The following ECT2 variants were observed in gnomAD, a reference collection of about 807,000 sequenced individuals.
The protein encoded by ECT2 is epithelial cell transforming 2.
ECT2 carries 61 observed loss-of-function variants against 116.9 expected under a neutral mutation model. The ratio of observed to expected loss-of-function variants is 0.52; its 90% confidence interval spans 0.42 to 0.65. The LOEUF is 0.65. Ranked by LOEUF, ECT2 falls within the 30% of genes least tolerant of loss-of-function variation. ECT2 has a pLI of 0.00. For missense variants in ECT2, 937 were observed against 1,078.7 expected, an observed-to-expected ratio of 0.87 and a Z score of 1.84; for synonymous variants, 358 against 346.4, an observed-to-expected ratio of 1.03 and a Z score of -0.37.
rs556756254 is a variant in ECT2, at chr3:172,764,614, T to A, written c.1291+114T>A. 228 of 934,706 alleles carry A rather than the reference T, an allele frequency of 2.4e-4. 3 individuals carry two copies. The South Asian group carries it at 3.4e-3, about 14-fold the overall frequency. 57.9% of individuals were successfully genotyped at this position (934,706 alleles called of 1,614,324 possible). ...TGGAAGTCTTTGCCTTTAATTACCT[T>A]TGTTCTAGCTGTAGAGAAAAGACAC... is the stretch of plus-strand genomic sequence containing the variant. On this transcript the variant is annotated intron_variant, in intron 12 of 24. Transcript: ENST00000392692.
intron 18 of ECT2, among the ~76,000 whole-genome samples, chr3:172,792,996 A>T (rs1724950902): frequency 6.6e-6 from 1 of 152,098 alleles, no homozygotes; most frequent in South Asian, 2.1e-4. Flanking sequence ...CTGGAATTAC[A>T]GGTGGAGCTA....
Position 172,764,397 on chromosome 3 carries a change from G to A in ECT2, c.1188G>A (p.Val396=). ...TLAQLSRETD[V]SPFPPRKRPS... is the part of the protein sequence containing the mutation. ...CTCAGCTTTCAAGAGAGACAGACGT[G>A]TCACCATTTCCACCCCGTAAGCGCC... Residue 396 remains valine, a synonymous_variant, in exon 12 of 25, where the codon GTG becomes GTA. Transcript: ENST00000392692. 1 of 1,614,126 alleles carries A rather than the reference G, an allele frequency of 6.2e-7. No individual in the cohort carries two copies. Among genetic ancestry groups the A allele is most frequent in the Non-Finnish European group, 8.5e-7 (1 of 1,179,990 alleles).
At chr3:172,777,354 G>A (rs1721932675) in intron 14 of ECT2, among the ~76,000 whole-genome samples, 1 of 152,080 alleles carries the variant, frequency 6.6e-6, no homozygotes, top group Non-Finnish European at 1.5e-5. Context: ...ATTACTTTCG[G>A]TAAATGTTTA....
chr3:172,759,009 T>C lies in ECT2; in HGVS notation c.516T>C (p.Tyr172=). Residue 172 remains tyrosine, a synonymous_variant, in exon 6 of 25, where the codon TAT becomes TAC. Transcript: ENST00000392692. ...EPLPFSCRPL[Y]CTSMMNLVLC... is the part of the protein sequence containing the mutation. ...TGCCATTTTCATGTCGCCCGTTGTA[T>C]TGTACAAGTATGATGAATCTAGTAC... is the stretch of plus-strand genomic sequence containing the variant. 6.2e-7 allele frequency: 1 copy of C among 1,611,554 alleles called. No homozygotes were observed. The highest frequency in any genetic ancestry group is 8.5e-7 in the Non-Finnish European group (1 of 1,179,354).
intron 12 of ECT2, among the ~76,000 whole-genome samples, chr3:172,765,586 G>A (rs927218866): frequency 3.3e-5 from 5 of 152,022 alleles, no homozygotes; most frequent in African/African-American, 1.2e-4. Flanking sequence ...CTGTAAAAAG[G>A]ATCTCTCTTA....
In ECT2 at chr3:172,816,785, C is replaced by A; in HGVS notation, c.2603C>A (p.Ser868Tyr). Residue 868 changes from serine (S) to tyrosine (Y), a missense_variant, in exon 24 of 25, where the codon TCC becomes TAC. Transcript: ENST00000392692. ...GGCTCAGTGGAGGGAAGAAGTCCTTCCAGCAATGATAAGCATGTAATGAGT... is the reference window on the plus strand; with the variant it reads ...GGCTCAGTGGAGGGAAGAAGTCCTTACAGCAATGATAAGCATGTAATGAGT... The part of the protein sequence containing the change: ...SHGSVEGRSP[S>Y]SNDKHVMSRL... The A allele has an allele frequency of 6.2e-6, 10 of 1,610,222 alleles. No individual in the cohort carries two copies. The highest frequency in any genetic ancestry group is 8.5e-6 in the Non-Finnish European group (10 of 1,177,400).
chr3:172,772,350 G>A (rs554146902), intron 13 of ECT2, among the ~76,000 whole-genome samples: 3 of 152,076 alleles, frequency 2.0e-5, no homozygotes, highest in East Asian at 1.9e-4. Flanking sequence ...CCGCCACCAC[G>A]CCTGGCTAAT....
At chr3:172,763,182 A>G (rs1718678681) in intron 11 of ECT2, among the ~76,000 whole-genome samples, 1 of 152,222 alleles carries the variant, frequency 6.6e-6, no homozygotes, top group African/African-American at 2.4e-5. Flanking sequence ...TTCTGTGCGA[A>G]TTCTTGGTGA....
At chr3:172,805,958 G>C in intron 21 of ECT2, 89 bp downstream of exon 21, 1 of 1,362,282 alleles carries the variant, frequency 7.3e-7, no homozygotes, top group Middle Eastern at 2.1e-4. Context: ...TTTTTAAATT[G>C]GTAAATTATC....
intron 22 of ECT2, among the ~76,000 whole-genome samples, chr3:172,813,090 T>C (rs1729062272): frequency 6.6e-6 from 1 of 152,092 alleles, no homozygotes. Context: ...ACCTAGATAG[T>C]TCACAAGAAC....
chr3:172,776,444 G>GT (rs1279656212), intron 14 of ECT2, among the ~76,000 whole-genome samples: 1 of 151,918 alleles, frequency 6.6e-6, no homozygotes, highest in African/African-American at 2.4e-5. Flanking sequence ...AAAATTTTGG[G>GT]TTTTTTTCTT....
intron 12 of ECT2, among the ~76,000 whole-genome samples, chr3:172,766,755 G>T (rs946166135): frequency 6.6e-6 from 1 of 152,202 alleles, no homozygotes; most frequent in South Asian, 2.1e-4. Flanking sequence ...TATCCAGTAA[G>T]CATTTGGAAA....
chr3:172,802,857 A>G lies in ECT2; in HGVS notation c.1987-4A>G, dbSNP rs1421330499. ...CTCTTTTGTTATATTTTCAACCTAT[A>G]CAGGCTAATCTTTTATCTTCTCACC... On this transcript the variant is annotated splice_polypyrimidine_tract_variant and splice_region_variant and intron_variant, in intron 19 of 24. Transcript: ENST00000392692. The G allele has an allele frequency of 6.2e-7, 1 of 1,609,632 alleles. No individual in the cohort carries two copies. Among genetic ancestry groups the G allele is most frequent in the Admixed American group, 1.7e-5 (1 of 59,148 alleles).
rs1408029570 is a variant in ECT2 at position 172,775,331 on chromosome 3, T to C, written c.1548+1309T>C. Among the ~76,000 whole-genome samples, 4 of 152,196 alleles carry C rather than the reference T, an allele frequency of 2.6e-5. No individual in the cohort carries two copies. In the East Asian group the frequency reaches 7.7e-4, roughly 29 times the overall value. On this transcript the variant is annotated intron_variant, in intron 14 of 24. Coordinates refer to ENST00000392692, the MANE Select transcript of ECT2 (RefSeq NM_001258315.2). ...AGATTGTTTTTTATTTTAGTATACA[T>C]TATAAACAAAAAATAGAAGATCTAT...
rs371871353 is a variant in ECT2, at chr3:172,770,361, CAATT to C, written c.1428+1221_1428+1224del. Among the ~76,000 whole-genome samples, 403 of 152,236 alleles carry C rather than the reference CAATT, an allele frequency of 2.6e-3. 1 individual carries two copies. The highest frequency in any genetic ancestry group is 9.1e-3 in the African/African-American group (379 of 41,522). ...AGTTTCAGAATTCTAATTTGCATAT[CAATT>C]AAATTCACTAAAACTCCTTTTAAAA... On this transcript the variant is annotated intron_variant, in intron 13 of 24. Coordinates refer to ENST00000392692, the MANE Select transcript of ECT2 (RefSeq NM_001258315.2).
intron 18 of ECT2, among the ~76,000 whole-genome samples, chr3:172,786,785 G>T (rs1264390993): frequency 6.6e-6 from 1 of 152,082 alleles, no homozygotes; most frequent in Admixed American, 6.5e-5. Context: ...AAACTATTGT[G>T]CACAGAGAAT....
chr3:172,806,478 C>G (rs1727733731), intron 21 of ECT2, among the ~76,000 whole-genome samples: 1 of 152,050 alleles, frequency 6.6e-6, no homozygotes, highest in Non-Finnish European at 1.5e-5. Context: ...TTAATTGACA[C>G]CCAGTGGTGT....
At chr3:172,777,967 C>T (rs566980928) in intron 14 of ECT2, among the ~76,000 whole-genome samples, 36 of 152,188 alleles carry the variant, frequency 2.4e-4, no homozygotes, top group African/African-American at 7.7e-4. Flanking sequence ...TTATATATAT[C>T]TGTTGTTATT....
intron 5 of ECT2, among the ~76,000 whole-genome samples, chr3:172,757,736 T>G (rs1000668930): frequency 6.6e-6 from 1 of 152,120 alleles, no homozygotes; most frequent in Non-Finnish European, 1.5e-5. Context: ...AATACCACAA[T>G]GTCTTAGAGA....
Sources: gnomAD v4.1 joint callset for allele counts (sites outside exome capture counted in the v4.1 genomes callset) on GRCh38, gnomAD v4.1.1 for gene constraint, MANE v1.5 for transcripts, NCBI Gene and HGNC (gene_info 2026-07-23, HGNC 2026-07-21) for gene names.